Variants in LLGL1 observed in about 807,000 individuals in gnomAD.
The protein encoded by LLGL1 is LLGL scribble cell polarity complex component 1, also known as lethal(2) giant larvae protein homolog 1.
LLGL1 carries 58 observed loss-of-function variants against 110.6 expected under a neutral mutation model. That is an observed-to-expected ratio of 0.52 (90% CI 0.42 to 0.65). The LOEUF is 0.65. Among genes scored for constraint, LLGL1 ranks in the 30% least tolerant of loss-of-function variants. The pLI is 0.00. For synonymous variants in LLGL1, 674 were observed against 607.2 expected (o/e 1.11, Z -1.62); for missense variants, 1,229 against 1,462.1 (o/e 0.84, Z 2.60).
intron 16 of LLGL1, among the ~76,000 whole-genome samples, chr17:18,239,774 A>C (rs1367901208): frequency 6.6e-6 from 1 of 150,910 alleles, no homozygotes; most frequent in Non-Finnish European, 1.5e-5. Context: ...TTTTTTGACT[A>C]CAAAGACCTA....
chr17:18,225,860 C>G (rs1305729489), intron 1 of LLGL1, 97 bp downstream of exon 1: 48 of 170,374 alleles, frequency 2.8e-4, no homozygotes, highest in Non-Finnish European at 4.5e-4. Flanking sequence ...GCCCGGGGGG[C>G]GGGGGCTGGC....
In LLGL1 at chr17:18,234,658, C is replaced by A; in HGVS notation, c.860C>A (p.Pro287His). The change falls in exon 8 of 23, where the codon CCC (proline) becomes CAC (histidine). Residue 287 changes from proline to histidine, a missense_variant. Physicochemically the swap from Pro to His is moderately conservative, Grantham distance 77. Transcript: ENST00000316843. ...CTGTCCCACCCCTCAGGCCCCTTTCCCTGCAAGGCCATTAACAAGATTCTG... is the reference window on the plus strand; with the variant it reads ...CTGTCCCACCCCTCAGGCCCCTTTCACTGCAAGGCCATTAACAAGATTCTG... ...TVATTPYGPF[P>H]CKAINKILWR... 1 of 1,614,164 alleles carries A rather than the reference C, an allele frequency of 6.2e-7. No individual in the cohort carries two copies. The highest frequency in any genetic ancestry group is 8.5e-7 in the Non-Finnish European group (1 of 1,180,036).
In LLGL1 at chr17:18,234,950, C is replaced by T. The variant is rs765494569; in HGVS notation, c.1017C>T (p.Arg339=). The T allele has an allele frequency of 7.4e-6, 12 of 1,614,110 alleles. No homozygotes were observed. The Admixed American group carries it at 2.0e-4, about 27-fold the overall frequency. The change falls in exon 9 of 23, where the codon CGC becomes CGT. Residue 339 remains arginine (R), a synonymous_variant. Coordinates refer to ENST00000316843, the MANE Select transcript of LLGL1 (RefSeq NM_004140.4). The part of the protein sequence containing the change: ...ETLVTLDFTS[R]IIDFFTVHST... ...TGGTGACGCTGGACTTCACTTCCCG[C>T]ATCATCGACTTCTTCACAGTGCACA...
chr17:18,231,467 C>T (rs1031252402), intron 2 of LLGL1, among the ~76,000 whole-genome samples: 5 of 152,202 alleles, frequency 3.3e-5, no homozygotes, highest in African/African-American at 1.2e-4. Context: ...GTCATGGGGC[C>T]CCCTCAGGCC....
rs759038245 is a variant in LLGL1 at position 18,232,497 on chromosome 17, A to G, written c.182A>G (p.Tyr61Cys). 1.2e-6 allele frequency: 2 copies of G among 1,613,612 alleles called. No homozygotes were observed. Among genetic ancestry groups the G allele is most frequent in the Non-Finnish European group, 1.7e-6 (2 of 1,179,650 alleles). Residue 61 changes from tyrosine to cysteine, a missense_variant and splice_region_variant, in exon 3 of 23, where the codon TAT becomes TGT. Physicochemically the swap from Tyr to Cys is radical, Grantham distance 194 (BLOSUM62 -2). Coordinates refer to ENST00000316843, the MANE Select transcript of LLGL1 (RefSeq NM_004140.4). ...CCACCTTGACCTGCCACCCTCAGCT[A>G]TGGTGCACCTGGCGTGGAGTTCACA... is the stretch of plus-strand genomic sequence containing the variant. ...IGTRSGAVKI[Y>C]GAPGVEFTGL...
At chr17:18,228,848 G>A (rs2047508333) in intron 1 of LLGL1, among the ~76,000 whole-genome samples, 3 of 152,106 alleles carry the variant, frequency 2.0e-5, no homozygotes, top group African/African-American at 7.2e-5. Flanking sequence ...AGAGTACTGA[G>A]TCTTGGAGAG....
At chr17:18,231,428 A>T (rs1451066838) in intron 2 of LLGL1, among the ~76,000 whole-genome samples, 1 of 152,170 alleles carries the variant, frequency 6.6e-6, no homozygotes, top group East Asian at 1.9e-4. Flanking sequence ...TCACCGGGGC[A>T]ACGTTGCTGA....
chr17:18,238,021 C>T lies in LLGL1; in HGVS notation c.1905-46C>T, dbSNP rs540319308. The T allele has an allele frequency of 2.3e-5, 37 of 1,602,572 alleles. No homozygotes were observed. The African/African-American group carries it at 3.3e-4, about 14-fold the overall frequency. On this transcript the variant is annotated intron_variant, in intron 14 of 22. Transcript: ENST00000316843. ...AGGCCAGCAGGAGTGTGGTGGCTGC[C>T]CCAGGAGGCTGCTCTATAGCACGAC... is the stretch of plus-strand genomic sequence containing the variant.
Position 18,238,445 on chromosome 17 carries a change from C to G in LLGL1, c.2053-11C>G. 1 of 1,602,502 alleles carries G rather than the reference C, an allele frequency of 6.2e-7. No homozygotes were observed. Among genetic ancestry groups the G allele is most frequent in the East Asian group, 2.2e-5 (1 of 44,702 alleles). ...CTAGGGAGACAGTGTTCAGGAGCCC[C>G]CGCCCGGCAGTTGCAGGAAGCCAAT... On this transcript the variant is annotated splice_polypyrimidine_tract_variant and intron_variant, in intron 15 of 22. Transcript: ENST00000316843.
intron 8 of LLGL1, 46 bp from the exon 9 acceptor site, chr17:18,234,793 C>G (rs1448586926): frequency 6.2e-7 from 1 of 1,613,824 alleles, no homozygotes; most frequent in African/African-American, 1.3e-5. Context: ...AGTATGTGCT[C>G]TGGACCCAAG....
In LLGL1 at chr17:18,241,945, C is replaced by T. The variant is rs140224169; in HGVS notation, c.2828C>T (p.Thr943Ile). Residue 943 changes from threonine to isoleucine, a missense_variant, in exon 19 of 23, where the codon ACA becomes ATA. Transcript: ENST00000316843. The part of the protein sequence containing the change: ...ERFSLSARNI[T>I]EPLCSLDINW... ...TTCTCCCTAAGTGCCCGGAACATCA[C>T]AGAGCCGCTCTGCTCTCTGGACATT... 5 of 1,614,174 alleles carry T rather than the reference C, an allele frequency of 3.1e-6. No individual in the cohort carries two copies. Among genetic ancestry groups the T allele is most frequent in the Non-Finnish European group, 4.2e-6 (5 of 1,180,002 alleles).
chr17:18,227,430 C>G (rs2047470754), intron 1 of LLGL1, among the ~76,000 whole-genome samples: 2 of 152,058 alleles, frequency 1.3e-5, no homozygotes, highest in African/African-American at 4.8e-5. Flanking sequence ...CACTCTCACC[C>G]AGGCTGGAGT....
At chr17:18,242,434 G>A (rs1033379101) in intron 20 of LLGL1, 74 bp from the exon 21 acceptor site, 2 of 1,599,518 alleles carry the variant, frequency 1.3e-6, no homozygotes, top group Non-Finnish European at 1.7e-6. Context: ...TGCCTTATGG[G>A]TCTGTGTCCC....
intron 1 of LLGL1, 85 bp downstream of exon 1, chr17:18,225,848 G>C (rs2047425304): frequency 1.9e-6 from 1 of 536,690 alleles, no homozygotes; most frequent in South Asian, 7.6e-5. Flanking sequence ...GAGCCACGTC[G>C]GGCCCGGGGG....
At chr17:18,225,865 G>T (rs1300838184) in intron 1 of LLGL1, 102 bp downstream of exon 1, 1 of 398,792 alleles carries the variant, frequency 2.5e-6, no homozygotes, top group East Asian at 1.7e-4. Context: ...GGGGGCGGGG[G>T]CTGGCATGCA....
Position 18,241,607 on chromosome 17 carries a change from G to A in LLGL1, c.2659G>A (p.Val887Ile), listed in dbSNP as rs368324953. The A allele has an allele frequency of 8.7e-6, 14 of 1,613,640 alleles. No homozygotes were observed. The highest frequency in any genetic ancestry group is 4.0e-5 in the African/African-American group (3 of 74,946). Reference protein sequence around the residue: ...CLACLTNLGDVHVFSVPGLRP... With the variant: ...CLACLTNLGDIHVFSVPGLRP... ...GGCCTGCCTCACCAACCTGGGTGAC[G>A]TCCACGTCTTCTCGGTGCCTGGCCT... The change falls in exon 18 of 23, where the codon GTC (valine) becomes ATC (isoleucine). Residue 887 changes from valine (V) to isoleucine (I), a missense_variant. Coordinates refer to ENST00000316843, the MANE Select transcript of LLGL1 (RefSeq NM_004140.4).
At chr17:18,234,448 G>A in intron 7 of LLGL1, 40 bp downstream of exon 7, 1 of 1,603,638 alleles carries the variant, frequency 6.2e-7, no homozygotes, top group Non-Finnish European at 8.5e-7. Flanking sequence ...GTGGTGATGG[G>A]AGGGGGCACC....
intron 1 of LLGL1, among the ~76,000 whole-genome samples, 178 bp downstream of exon 1, chr17:18,225,941 C>T (rs2047429188): frequency 6.6e-6 from 1 of 151,146 alleles, no homozygotes. Context: ...CTGGCTCGGA[C>T]TCTGGGTGGG....
Position 18,236,882 on chromosome 17 carries a change from G to A in LLGL1, c.1554G>A (p.Gln518=), listed in dbSNP as rs755738183. 8.7e-6 allele frequency: 14 copies of A among 1,613,800 alleles called. No individual in the cohort carries two copies. In the Admixed American group the frequency reaches 1.8e-4, roughly 21 times the overall value. Residue 518 remains glutamine (Q), a synonymous_variant, in exon 13 of 23, where the codon CAG becomes CAA. Coordinates refer to ENST00000316843, the MANE Select transcript of LLGL1 (RefSeq NM_004140.4). ...GTGACGATCCCCGGCTTGGCGTGCA[G>A]AAGGTTGCTCTCTGCAAGTATACAG... The part of the protein sequence containing the change: ...PYSDDPRLGV[Q]KVALCKYTAQ...
Sources: allele counts gnomAD v4.1 joint callset (sites outside exome capture counted in the v4.1 genomes callset), GRCh38; gene constraint gnomAD v4.1.1; transcripts MANE v1.5; gene names NCBI Gene and HGNC (gene_info 2026-07-23, HGNC 2026-07-21).